SAMMSON: variants seen among roughly 807,000 people sequenced by gnomAD.
SAMMSON encodes long intergenic non-protein coding RNA 1212.
At chr3:70,047,333 C>CTT (rs879262238) in intron 3 of SAMMSON, among the ~76,000 whole-genome samples, 4 of 143,380 alleles carry the variant, frequency 2.8e-5, no homozygotes, top group Non-Finnish European at 4.6e-5. Context: ...CTCTCTCTCT[C>CTT]TTTTTTTTTT....
rs115904035 is a variant in SAMMSON, at chr3:70,414,045, A to T, written n.234-48515A>T. Among the ~76,000 whole-genome samples, 779 of 152,240 alleles carry T rather than the reference A, an allele frequency of 5.1e-3. 6 individuals carry two copies. The highest frequency in any genetic ancestry group is 0.018 in the African/African-American group (742 of 41,590). On this transcript the variant is annotated intron_variant and non_coding_transcript_variant, in intron 2 of 3. Coordinates refer to the SAMMSON transcript ENST00000641053. The stretch of plus-strand genomic sequence containing the variant: ...TGTAGAAAAGAGCTTAATAAATAGA[A>T]TATGAGAATAATTATTGATACCTGT...
chr3:70,287,730 T>G (rs1464518120), intron 6 of SAMMSON, among the ~76,000 whole-genome samples: 10 of 151,518 alleles, frequency 6.6e-5, no homozygotes, highest in African/African-American at 2.2e-4. Context: ...TTGCCACAAT[T>G]TCAGATCCTG....
chr3:70,027,568 G>A (rs1267522915), intron 3 of SAMMSON, among the ~76,000 whole-genome samples: 4 of 152,088 alleles, frequency 2.6e-5, no homozygotes, highest in Non-Finnish European at 2.9e-5. Context: ...TTACTAAATC[G>A]AGCAAGTTGT....
intron 4 of SAMMSON, among the ~76,000 whole-genome samples, chr3:70,149,402 T>C (rs1263659316): frequency 2.0e-5 from 3 of 152,088 alleles, no homozygotes; most frequent in Non-Finnish European, 4.4e-5. Context: ...AATCATGTGT[T>C]TGAGCCTGTG....
intron 4 of SAMMSON, among the ~76,000 whole-genome samples, chr3:70,209,765 C>T (rs1330312128): frequency 6.6e-6 from 1 of 152,100 alleles, no homozygotes; most frequent in Non-Finnish European, 1.5e-5. Flanking sequence ...AAAACCTCCT[C>T]ACCCTAAATA....
At chr3:70,405,282 C>CA (rs1199376544) in intron 2 of SAMMSON, among the ~76,000 whole-genome samples, 2 of 151,782 alleles carry the variant, frequency 1.3e-5, no homozygotes, top group Admixed American at 6.6e-5. Flanking sequence ...CACTGATGGC[C>CA]AAAAAATAAA....
Position 70,287,269 on chromosome 3 carries a change from G to C in SAMMSON, n.675-3910G>C, listed in dbSNP as rs1234881672. 4.0e-4 allele frequency among the ~76,000 whole-genome samples: 53 copies of C among 133,976 alleles called. 1 individual carries two copies. Among genetic ancestry groups the C allele is most frequent in the Non-Finnish European group, 5.6e-4 (35 of 62,238 alleles). The allele number at this position is 133,976 out of a possible 152,430, so 87.9% of individuals were successfully genotyped here. On this transcript the variant is annotated intron_variant and non_coding_transcript_variant, in intron 6 of 9. Coordinates refer to ENST00000642114, the Ensembl canonical transcript of SAMMSON. ...TTTATTGAGAGTTTTTAGCATGAAG[G>C]GTTGTTGAATTTTGTCAAAGGCCTT... is the stretch of plus-strand genomic sequence containing the variant.
intron 4 of SAMMSON, among the ~76,000 whole-genome samples, chr3:70,185,210 C>T (rs1307330726): frequency 6.6e-6 from 1 of 152,100 alleles, no homozygotes; most frequent in African/African-American, 2.4e-5. Flanking sequence ...ACTCCCATCA[C>T]CAAAGAAAGC....
chr3:70,054,392 C>G (rs2067158484), intron 3 of SAMMSON, among the ~76,000 whole-genome samples: 1 of 152,046 alleles, frequency 6.6e-6, no homozygotes, highest in South Asian at 2.1e-4. Flanking sequence ...ATTTGGTTCT[C>G]CAAATAATTC....
chr3:70,316,814 A>G (rs1037454589), intron 7 of SAMMSON, among the ~76,000 whole-genome samples: 12 of 152,102 alleles, frequency 7.9e-5, no homozygotes, highest in African/African-American at 2.9e-4. Flanking sequence ...TTAGGTATGA[A>G]AAATAACACT....
At chr3:70,227,184 G>A (rs933639275) in intron 4 of SAMMSON, among the ~76,000 whole-genome samples, 1 of 152,168 alleles carries the variant, frequency 6.6e-6, no homozygotes, top group East Asian at 1.9e-4. Flanking sequence ...TCTTAGAAAT[G>A]CCATGATGGA....
chr3:70,151,316 G>C (rs1241610653), intron 4 of SAMMSON, among the ~76,000 whole-genome samples: 1 of 152,020 alleles, frequency 6.6e-6, no homozygotes, highest in African/African-American at 2.4e-5. Flanking sequence ...TTCAGCTGGT[G>C]GAAGTACTTT....
At chr3:70,132,585 C>T (rs2067486823) in intron 4 of SAMMSON, among the ~76,000 whole-genome samples, 1 of 152,016 alleles carries the variant, frequency 6.6e-6, no homozygotes, top group Non-Finnish European at 1.5e-5. Flanking sequence ...ATTTTCCAGC[C>T]TGTCAGAATG....
At chr3:70,048,920 T>G (rs1057157562) in intron 3 of SAMMSON, among the ~76,000 whole-genome samples, 1 of 152,106 alleles carries the variant, frequency 6.6e-6, no homozygotes, top group Non-Finnish European at 1.5e-5. Flanking sequence ...CAACCATTCT[T>G]TGGAAGGCGG....
chr3:70,305,511 T>C (rs1458558040), intron 7 of SAMMSON, among the ~76,000 whole-genome samples: 1 of 152,154 alleles, frequency 6.6e-6, no homozygotes. Context: ...GAGAATTAGA[T>C]TGGATTAATA....
At chr3:70,106,495 C>T (rs1235051057) in intron 4 of SAMMSON, among the ~76,000 whole-genome samples, 2 of 137,050 alleles carry the variant, frequency 1.5e-5, no homozygotes, top group African/African-American at 5.7e-5. Context: ...CACATGCCAC[C>T]ATGCCTGGCT....
At chr3:70,135,446 G>C in intron 4 of SAMMSON, among the ~76,000 whole-genome samples, 1 of 152,038 alleles carries the variant, frequency 6.6e-6, no homozygotes, top group East Asian at 1.9e-4. Context: ...GGGTTTGTAA[G>C]AATGACTTAT....
chr3:70,025,605 C>A (rs189703939), intron 3 of SAMMSON, among the ~76,000 whole-genome samples: 10 of 152,248 alleles, frequency 6.6e-5, no homozygotes, highest in South Asian at 2.1e-4. Context: ...AGAAAGAAGT[C>A]AGAAAATAGC....
intron 4 of SAMMSON, among the ~76,000 whole-genome samples, chr3:70,147,785 A>G (rs1411717023): frequency 1.3e-5 from 2 of 152,116 alleles, no homozygotes; most frequent in Non-Finnish European, 2.9e-5. Context: ...TCCCTAAAAG[A>G]AAATAATTAT....
Sources: gnomAD v4.1 joint callset for allele counts (sites outside exome capture counted in the v4.1 genomes callset) on GRCh38, gnomAD v4.1.1 for gene constraint, MANE v1.5 for transcripts, NCBI Gene and HGNC (gene_info 2026-07-23, HGNC 2026-07-21) for gene names.